Variants in ROBO2 observed in about 807,000 individuals in gnomAD.
The protein encoded by ROBO2 is roundabout guidance receptor 2, also known as roundabout homolog 2.
A neutral mutation model predicts 160.8 loss-of-function variants in ROBO2; 53 were observed. That is an observed-to-expected ratio of 0.33 (90% CI 0.26 to 0.41). The LOEUF is 0.41. ROBO2 is among the 10% of genes least tolerant of loss of function. The pLI is 1.00. For missense variants in ROBO2, 1,577 were observed against 1,722.4 expected, an observed-to-expected ratio of 0.92 and a Z score of 1.49; for synonymous variants, 664 against 611.7, an observed-to-expected ratio of 1.09 and a Z score of -1.26.
chr3:77,302,665 G>T (rs2062764158), intron 2 of ROBO2, among the ~76,000 whole-genome samples: 1 of 152,076 alleles, frequency 6.6e-6, no homozygotes. Context: ...ATTATAAGAG[G>T]TTTTAAAGTC....
At chr3:77,211,635 A>T (rs2084175713) in intron 2 of ROBO2, among the ~76,000 whole-genome samples, 1 of 152,186 alleles carries the variant, frequency 6.6e-6, no homozygotes, top group South Asian at 2.1e-4. Context: ...TGTTTTAGAC[A>T]TGAAGTCCTT....
chr3:77,075,899 A>G (rs1027337841), intron 1 of ROBO2, among the ~76,000 whole-genome samples: 1 of 151,724 alleles, frequency 6.6e-6, no homozygotes, highest in South Asian at 2.1e-4. Flanking sequence ...GGTGGTTTCA[A>G]ACTCCGGACC....
chr3:76,227,808 G>A (rs1704380340), intron 2 of ROBO2, among the ~76,000 whole-genome samples: 1 of 152,100 alleles, frequency 6.6e-6, no homozygotes, highest in East Asian at 1.9e-4. Flanking sequence ...GGATTCTTCT[G>A]CGCATGAATA....
chr3:77,359,989 C>T (rs1581327746), intron 2 of ROBO2, among the ~76,000 whole-genome samples: 1 of 152,290 alleles, frequency 6.6e-6, no homozygotes, highest in East Asian at 1.9e-4. Flanking sequence ...TGCCCAACCT[C>T]AGCCCTCTAA....
chr3:77,379,864 C>G (rs1452262138), intron 2 of ROBO2, among the ~76,000 whole-genome samples: 2 of 152,170 alleles, frequency 1.3e-5, no homozygotes, highest in African/African-American at 2.4e-5. Flanking sequence ...ACTCCATTCA[C>G]CTTTCTAGTT....
chr3:76,478,768 G>T (rs1287831804), intron 2 of ROBO2, among the ~76,000 whole-genome samples: 3 of 144,162 alleles, frequency 2.1e-5, no homozygotes, highest in African/African-American at 7.8e-5. Context: ...TTGAATTTCT[G>T]GGCTCAAGCA....
intron 1 of ROBO2, among the ~76,000 whole-genome samples, chr3:77,060,313 C>T (rs1219819963): frequency 5.9e-5 from 9 of 152,022 alleles, no homozygotes; most frequent in Middle Eastern, 3.2e-3. Context: ...TCTTAGTAAT[C>T]CCAAGTTGGA....
intron 2 of ROBO2, among the ~76,000 whole-genome samples, chr3:76,119,061 C>A (rs2070605728): frequency 6.6e-6 from 1 of 152,102 alleles, no homozygotes; most frequent in Non-Finnish European, 1.5e-5. Flanking sequence ...GAGGACATAG[C>A]AGATACAGAG....
At chr3:77,472,562 G>C (rs930190198) in intron 2 of ROBO2, among the ~76,000 whole-genome samples, 3 of 152,048 alleles carry the variant, frequency 2.0e-5, no homozygotes, top group Non-Finnish European at 2.9e-5. Context: ...ATTTATATGT[G>C]TTTTCCAGCT....
At chr3:77,180,130 C>T (rs2080574558) in intron 2 of ROBO2, among the ~76,000 whole-genome samples, 1 of 152,018 alleles carries the variant, frequency 6.6e-6, no homozygotes, top group African/African-American at 2.4e-5. Flanking sequence ...CTAACACTTA[C>T]ATTTAATCTT....
chr3:76,088,042 T>C (rs72894532), intron 2 of ROBO2, among the ~76,000 whole-genome samples: 4,936 of 152,184 alleles, frequency 0.032, 292 homozygotes, highest in African/African-American at 0.11. Context: ...AGATATACTA[T>C]GCTAACACTA....
At chr3:76,523,360 T>G (rs189688988) in intron 2 of ROBO2, among the ~76,000 whole-genome samples, 194 of 152,234 alleles carry the variant, frequency 1.3e-3, no homozygotes, top group African/African-American at 4.5e-3. Context: ...CATTTTACCT[T>G]CCTTCTGTTA....
intron 2 of ROBO2, among the ~76,000 whole-genome samples, chr3:76,691,079 AG>A (rs2092791763): frequency 6.6e-6 from 1 of 152,034 alleles, no homozygotes; most frequent in Admixed American, 6.6e-5. Context: ...TAATTAACCA[AG>A]AATTTAAAGT....
chr3:77,370,326 C>T (rs941159718), intron 2 of ROBO2, among the ~76,000 whole-genome samples: 2 of 152,180 alleles, frequency 1.3e-5, no homozygotes, highest in African/African-American at 4.8e-5. Context: ...TCTCACCTTA[C>T]ATTGGAGTCT....
intron 2 of ROBO2, among the ~76,000 whole-genome samples, chr3:76,509,212 C>T (rs1373751070): frequency 6.6e-6 from 1 of 152,134 alleles, no homozygotes; most frequent in Non-Finnish European, 1.5e-5. Context: ...TTTAGGGCTC[C>T]TTCTGTTAAA....
At chr3:76,883,589 C>A (rs1197486662) in intron 2 of ROBO2, among the ~76,000 whole-genome samples, 1 of 152,166 alleles carries the variant, frequency 6.6e-6, no homozygotes, top group Non-Finnish European at 1.5e-5. Flanking sequence ...TTTAGTATCA[C>A]ACTGTAGAAG....
At chr3:77,256,398 A>T (rs2058414913) in intron 2 of ROBO2, among the ~76,000 whole-genome samples, 1 of 152,206 alleles carries the variant, frequency 6.6e-6, no homozygotes, top group Non-Finnish European at 1.5e-5. Flanking sequence ...ATTTGAGCAA[A>T]TTATTTAACC....
chr3:77,370,186 C>T (rs74806059), intron 2 of ROBO2, among the ~76,000 whole-genome samples: 2,302 of 152,256 alleles, frequency 0.015, 18 homozygotes, highest in South Asian at 0.031. Context: ...AGTGCATATC[C>T]AGGAACTGGT....
chr3:77,491,626 G>A (rs2086122728), intron 4 of ROBO2, among the ~76,000 whole-genome samples: 1 of 152,142 alleles, frequency 6.6e-6, no homozygotes, highest in Admixed American at 6.5e-5. Context: ...TATCCGACAT[G>A]TTGTCTACAG....
Sources: allele counts gnomAD v4.1 joint callset (sites outside exome capture counted in the v4.1 genomes callset), GRCh38; gene constraint gnomAD v4.1.1; transcripts MANE v1.5; gene names NCBI Gene and HGNC (gene_info 2026-07-23, HGNC 2026-07-21).